Variants in GLCE observed in about 807,000 individuals in gnomAD.
The protein encoded by GLCE is D-glucuronyl C5-epimerase.
A neutral mutation model predicts 47.9 loss-of-function variants in GLCE; 19 were observed. The ratio of observed to expected loss-of-function variants is 0.40; its 90% CI spans 0.28 to 0.58. GLCE has a LOEUF of 0.58. Among genes scored for constraint, GLCE ranks in the 20% least tolerant of loss-of-function variants. The pLI, the probability that GLCE is intolerant of heterozygous loss-of-function variation, is 0.48. For missense variants in GLCE, 556 were observed against 743.3 expected, an observed-to-expected ratio of 0.75 and a Z score of 2.93; for synonymous variants, 245 against 263.4, an observed-to-expected ratio of 0.93 and a Z score of 0.68.
At chr15:69,166,014 T>C (rs1352282578) in intron 1 of GLCE, among the ~76,000 whole-genome samples, 2 of 152,188 alleles carry the variant, frequency 1.3e-5, no homozygotes, top group Admixed American at 1.3e-4. Flanking sequence ...AAAAGTCTTG[T>C]AGAATTTTGA....
chr15:69,185,837 C>T (rs1020301395), intron 1 of GLCE, among the ~76,000 whole-genome samples: 7 of 151,938 alleles, frequency 4.6e-5, no homozygotes, highest in Non-Finnish European at 7.4e-5. Context: ...GTCACAAGTC[C>T]GGGCCACCCC....
chr15:69,210,961 G>A (rs1595757369), intron 2 of GLCE, among the ~76,000 whole-genome samples: 1 of 152,080 alleles, frequency 6.6e-6, no homozygotes. Flanking sequence ...ACTGAAGCAG[G>A]GTATCTTATT....
intron 1 of GLCE, among the ~76,000 whole-genome samples, chr15:69,184,206 C>T (rs2051790375): frequency 1.3e-5 from 2 of 152,132 alleles, no homozygotes; most frequent in South Asian, 4.2e-4. Context: ...TGGCTTAATG[C>T]TGATCCTGAA....
chr15:69,189,133 A>G (rs1258115441), intron 1 of GLCE, among the ~76,000 whole-genome samples: 1 of 152,280 alleles, frequency 6.6e-6, no homozygotes, highest in East Asian at 1.9e-4. Context: ...TACCATTATC[A>G]TATTATCATA....
At chr15:69,259,253 A>G (rs998470943) in intron 3 of GLCE, among the ~76,000 whole-genome samples, 2 of 152,194 alleles carry the variant, frequency 1.3e-5, no homozygotes, top group African/African-American at 2.4e-5. Context: ...TTATGTAGTA[A>G]GGGTAGCAGT....
At chr15:69,163,365 G>A (rs1423784775) in intron 1 of GLCE, among the ~76,000 whole-genome samples, 5 of 152,088 alleles carry the variant, frequency 3.3e-5, no homozygotes, top group Non-Finnish European at 7.4e-5. Flanking sequence ...TCCAGAGAGA[G>A]GAAGAAAACA....
Position 69,268,949 on chromosome 15 carries a change from A to G in GLCE, c.1559A>G (p.Tyr520Cys). 2 of 1,614,200 alleles carry G rather than the reference A, an allele frequency of 1.2e-6. No individual in the cohort carries two copies. The highest frequency in any genetic ancestry group is 1.7e-6 in the Non-Finnish European group (2 of 1,180,018). ...TTTATGTATTCTTTAATTGGGCTGT[A>G]TGACTTAAAAGAAACTGCAGGGGAA... ...NGFMYSLIGL[Y>C]DLKETAGEKL... The change falls in exon 5 of 5, where the codon TAT (tyrosine) becomes TGT (cysteine). Residue 520 changes from tyrosine to cysteine, a missense_variant. Physicochemically the swap from Tyr to Cys is radical, Grantham distance 194. Around this residue, in one of 3 missense-constraint regions of GLCE, gnomAD observed 245 missense variants for 368.1 expected, o/e 0.67. Coordinates refer to ENST00000261858, the MANE Select transcript of GLCE (RefSeq NM_015554.3).
At chr15:69,186,305 A>G (rs2051823029) in intron 1 of GLCE, among the ~76,000 whole-genome samples, 1 of 152,142 alleles carries the variant, frequency 6.6e-6, no homozygotes, top group African/African-American at 2.4e-5. Context: ...GGAGAAGAGG[A>G]GAAGGTCAGA....
At chr15:69,199,250 A>G (rs1293818581) in intron 1 of GLCE, among the ~76,000 whole-genome samples, 1 of 152,168 alleles carries the variant, frequency 6.6e-6, no homozygotes, top group East Asian at 1.9e-4. Context: ...TATTCAAGAA[A>G]ATCAGAATAC....
chr15:69,248,665 C>G (rs182872836), intron 2 of GLCE, among the ~76,000 whole-genome samples: 2 of 152,044 alleles, frequency 1.3e-5, no homozygotes, highest in African/African-American at 4.8e-5. Flanking sequence ...CTCACTCTGT[C>G]GCCCAGGCTG....
chr15:69,191,440 G>T (rs926304068), intron 1 of GLCE, among the ~76,000 whole-genome samples: 2 of 152,252 alleles, frequency 1.3e-5, no homozygotes, highest in Admixed American at 6.5e-5. Context: ...TAGCAAATGG[G>T]AAAGGTTCAT....
At chr15:69,226,069 CACACAG>C (rs1463127333) in intron 2 of GLCE, among the ~76,000 whole-genome samples, 1 of 33,378 alleles carries the variant, frequency 3.0e-5, no homozygotes, top group African/African-American at 5.5e-5. Flanking sequence ...CACACACACA[CACACAG>C]ACACACACAC....
chr15:69,254,504 A>G (rs1178463314), intron 2 of GLCE, among the ~76,000 whole-genome samples: 1 of 152,202 alleles, frequency 6.6e-6, no homozygotes, highest in Non-Finnish European at 1.5e-5. Context: ...ACCAGTTTGA[A>G]TATAACTGCT....
At chr15:69,254,064 G>A (rs1044947003) in intron 2 of GLCE, among the ~76,000 whole-genome samples, 2 of 152,104 alleles carry the variant, frequency 1.3e-5, no homozygotes, top group African/African-American at 2.4e-5. Context: ...CGGAAGTTTA[G>A]CATTTGATTT....
intron 1 of GLCE, among the ~76,000 whole-genome samples, chr15:69,161,807 C>CCTTA (rs2051426796): frequency 6.6e-6 from 1 of 152,122 alleles, no homozygotes; most frequent in African/African-American, 2.4e-5. Context: ...AGTGGCAGCA[C>CCTTA]CTTAGGTGGG....
At chr15:69,215,844 C>T (rs942032196) in intron 2 of GLCE, among the ~76,000 whole-genome samples, 4 of 152,058 alleles carry the variant, frequency 2.6e-5, no homozygotes. Flanking sequence ...TAATGTTGAG[C>T]ACCTTTTTAT....
At chr15:69,174,611 A>AAAAACAAAAC (rs142688156) in intron 1 of GLCE, among the ~76,000 whole-genome samples, 6 of 152,078 alleles carry the variant, frequency 3.9e-5, no homozygotes, top group Admixed American at 1.3e-4. Flanking sequence ...ACTATGTCTA[A>AAAAACAAAAC]AAAACAAAAC....
At chr15:69,180,298 C>T (rs1031360939) in intron 1 of GLCE, among the ~76,000 whole-genome samples, 10 of 152,110 alleles carry the variant, frequency 6.6e-5, no homozygotes, top group Non-Finnish European at 1.0e-4. Flanking sequence ...CATTTTATGC[C>T]AGGCACTGCT....
At chr15:69,252,344 C>T (rs2140434481) in intron 2 of GLCE, among the ~76,000 whole-genome samples, 1 of 152,266 alleles carries the variant, frequency 6.6e-6, no homozygotes, top group Non-Finnish European at 1.5e-5. Flanking sequence ...CTGGGGAGGC[C>T]TCAGGGAGCT....
Sources: allele counts gnomAD v4.1 joint callset (sites outside exome capture counted in the v4.1 genomes callset), GRCh38; gene constraint gnomAD v4.1.1; regional missense constraint gnomAD v4.1.1; transcripts MANE v1.5; gene names NCBI Gene and HGNC (gene_info 2026-07-23, HGNC 2026-07-21).